The following ANGPT1 variants were observed in gnomAD, a reference collection of about 807,000 sequenced individuals.
ANGPT1 encodes the protein angiopoietin 1, also known as angiopoietin-1.
ANGPT1 carries 17 observed loss-of-function variants against 62.2 expected under a neutral mutation model. That is an observed-to-expected ratio of 0.27 (90% CI 0.19 to 0.41). The LOEUF is 0.41. Ranked by LOEUF, ANGPT1 falls within the 10% of genes least tolerant of loss-of-function variation. ANGPT1 has a pLI of 1.00. For missense variants in ANGPT1, 478 were observed against 594.9 expected (o/e 0.80, Z 2.04); for synonymous variants, 199 against 198.9 (o/e 1.00, Z 0.00).
rs1229508556 is a variant in ANGPT1 at position 107,250,726 on chromosome 8, T to C, written c.*1129A>G. The C allele has an allele frequency of 1.3e-5, 2 of 152,118 alleles. No individual in the cohort carries two copies. The highest frequency in any genetic ancestry group is 2.9e-5 in the Non-Finnish European group (2 of 67,980). 9.4% of individuals were successfully genotyped at this position (152,118 alleles called of 1,614,324 possible). A position where few individuals can be genotyped will look rare whatever the true frequency, so the allele number is the denominator to read the frequency against. On this transcript the variant is annotated 3_prime_UTR_variant, in exon 9 of 9. Transcript: ENST00000517746. Reference sequence around the variant, plus strand: ...TTTATAGACTTCAAAGTGTTTCTTTTATAGACACTGGAACAGTGTGAATCT... The same window carrying C: ...TTTATAGACTTCAAAGTGTTTCTTTCATAGACACTGGAACAGTGTGAATCT...
chr8:107,287,108 T>C lies in ANGPT1; in HGVS notation c.1039-2260A>G, dbSNP rs76017322. Among the ~76,000 whole-genome samples the C allele has an allele frequency of 4.6e-5, 7 of 152,270 alleles. No homozygotes were observed. In the East Asian group the frequency reaches 1.4e-3, roughly 29 times the overall value. The stretch of plus-strand genomic sequence containing the variant: ...GATGATTCCCTTTTCTGTGCAGTCA[T>C]TGAAAAGGGATTCAACACTTATACT... On this transcript the variant is annotated intron_variant, in intron 6 of 8. Transcript: ENST00000517746.
At chr8:107,467,695 G>T (rs1386634067) in intron 1 of ANGPT1, among the ~76,000 whole-genome samples, 1 of 151,928 alleles carries the variant, frequency 6.6e-6, no homozygotes, top group Non-Finnish European at 1.5e-5. Context: ...TACGGTTTAA[G>T]GTAAAATTGA....
At chr8:107,286,468 C>T (rs1479470363) in intron 6 of ANGPT1, among the ~76,000 whole-genome samples, 1 of 151,982 alleles carries the variant, frequency 6.6e-6, no homozygotes, top group African/African-American at 2.4e-5. Flanking sequence ...AAAACTGAAA[C>T]TAGAGATTGG....
At chr8:107,341,099 T>G (rs886279157) in intron 2 of ANGPT1, among the ~76,000 whole-genome samples, 1 of 152,310 alleles carries the variant, frequency 6.6e-6, no homozygotes, top group African/African-American at 2.4e-5. Context: ...TGCAGTGATA[T>G]GGAGGTTATA....
At chr8:107,455,559 C>T (rs1293377686) in intron 1 of ANGPT1, among the ~76,000 whole-genome samples, 1 of 152,040 alleles carries the variant, frequency 6.6e-6, no homozygotes, top group Admixed American at 6.6e-5. Flanking sequence ...GTAAATACAA[C>T]AGCCTTTGCA....
intron 7 of ANGPT1, chr8:107,283,961 C>T (rs1814077110): frequency 6.6e-6 from 1 of 152,156 alleles, no homozygotes; most frequent in South Asian, 2.1e-4. Flanking sequence ...AGAAGTAACA[C>T]AATAAGTGTT....
chr8:107,305,507 A>G (rs1216953422), intron 4 of ANGPT1, among the ~76,000 whole-genome samples: 1 of 151,976 alleles, frequency 6.6e-6, no homozygotes, highest in Non-Finnish European at 1.5e-5. Context: ...TTTCACACAC[A>G]TTTTTAGTAA....
chr8:107,334,028 AGGAAGGAAGGAT>A (rs1266466020), intron 3 of ANGPT1, among the ~76,000 whole-genome samples: 22 of 150,474 alleles, frequency 1.5e-4, no homozygotes, highest in Middle Eastern at 3.4e-3. Context: ...GAAGGAAGGA[AGGAAGGAAGGAT>A]GGATAAATAT....
intron 2 of ANGPT1, among the ~76,000 whole-genome samples, chr8:107,344,190 A>G (rs1018271974): frequency 9.2e-5 from 14 of 152,230 alleles, no homozygotes; most frequent in African/African-American, 3.1e-4. Context: ...ATGGATTATT[A>G]GAGGCAAATT....
intron 7 of ANGPT1, among the ~76,000 whole-genome samples, chr8:107,281,092 T>G (rs553370019): frequency 6.6e-6 from 1 of 152,344 alleles, no homozygotes; most frequent in Admixed American, 6.5e-5. Context: ...AGAAAATTAT[T>G]TGGAGTTTCC....
chr8:107,392,802 T>C (rs1816860390), intron 1 of ANGPT1, among the ~76,000 whole-genome samples: 1 of 152,190 alleles, frequency 6.6e-6, no homozygotes, highest in Non-Finnish European at 1.5e-5. Flanking sequence ...TTTTATTCAT[T>C]CCAGAAGAAG....
At chr8:107,339,267 A>C (rs1163968076) in intron 2 of ANGPT1, among the ~76,000 whole-genome samples, 1 of 152,166 alleles carries the variant, frequency 6.6e-6, no homozygotes, top group Non-Finnish European at 1.5e-5. Flanking sequence ...CCTTTGCAAC[A>C]TGCTAATGGC....
chr8:107,308,850 C>A (rs1486549377), intron 4 of ANGPT1, among the ~76,000 whole-genome samples: 1 of 152,146 alleles, frequency 6.6e-6, no homozygotes, highest in East Asian at 1.9e-4. Context: ...AATAAGCAAC[C>A]TGAGACCCTG....
At chr8:107,456,514 C>A (rs772969011) in intron 1 of ANGPT1, among the ~76,000 whole-genome samples, 1 of 152,056 alleles carries the variant, frequency 6.6e-6, no homozygotes, top group African/African-American at 2.4e-5. Context: ...AGTATCTGAA[C>A]TCAAACTAGC....
intron 1 of ANGPT1, among the ~76,000 whole-genome samples, chr8:107,480,396 A>G (rs1301341549): frequency 6.6e-6 from 1 of 152,208 alleles, no homozygotes; most frequent in Non-Finnish European, 1.5e-5. Context: ...CAAACATCAA[A>G]TTCATGGTGA....
intron 1 of ANGPT1, among the ~76,000 whole-genome samples, chr8:107,386,065 A>T (rs797004414): frequency 2.6e-5 from 4 of 151,648 alleles, no homozygotes; most frequent in African/African-American, 4.8e-5. Flanking sequence ...CACAGATATT[A>T]AAAAAAAATC....
At chr8:107,364,434 C>T (rs924357819) in intron 1 of ANGPT1, among the ~76,000 whole-genome samples, 5 of 152,090 alleles carry the variant, frequency 3.3e-5, no homozygotes, top group Admixed American at 6.6e-5. Context: ...GTGTGCGCCA[C>T]GATGCCCAGC....
chr8:107,289,502 A>T (rs1447026215), intron 6 of ANGPT1, among the ~76,000 whole-genome samples: 1 of 152,178 alleles, frequency 6.6e-6, no homozygotes, highest in East Asian at 1.9e-4. Context: ...AACAGATAAG[A>T]CAGCGCTGTG....
chr8:107,317,767 A>G (rs1223549487), intron 4 of ANGPT1, among the ~76,000 whole-genome samples: 2 of 151,618 alleles, frequency 1.3e-5, no homozygotes, highest in Non-Finnish European at 2.9e-5. Context: ...AGTAGCTGGG[A>G]TTACAGGCAT....
Sources: allele counts gnomAD v4.1 joint callset (sites outside exome capture counted in the v4.1 genomes callset), GRCh38; gene constraint gnomAD v4.1.1; transcripts MANE v1.5; gene names NCBI Gene and HGNC (gene_info 2026-07-23, HGNC 2026-07-21).